The following SMG1 variants were observed in gnomAD, a reference collection of about 807,000 sequenced individuals.
The protein encoded by SMG1 is serine/threonine-protein kinase SMG1.
A neutral mutation model predicts 419.9 loss-of-function variants in SMG1; 22 were observed. The observed-to-expected ratio is 0.05, with a 90% CI of 0.04 to 0.07. The LOEUF (loss-of-function observed/expected upper bound fraction) is 0.07, where lower values mean the gene tolerates loss of function less well. SMG1 is among the 10% of genes least tolerant of loss of function. SMG1 has a pLI of 1.00. For missense variants in SMG1, 3,185 were observed against 4,342.0 expected, an observed-to-expected ratio of 0.73 and a Z score of 7.49; for synonymous variants, 1,538 against 1,553.5, an observed-to-expected ratio of 0.99 and a Z score of 0.23.
chr16:18,873,528 T>C (rs1333260455), intron 13 of SMG1, among the ~76,000 whole-genome samples: 1 of 152,214 alleles, frequency 6.6e-6, no homozygotes. Context: ...ACGAGAACTT[T>C]CTTTACAAAA....
rs1231993591 is a variant in SMG1 at position 18,905,118 on chromosome 16, G to A, written c.93-8162C>T. On this transcript the variant is annotated intron_variant, in intron 1 of 62. Transcript: ENST00000446231. ...CTACTAAAAATACAAAAAATTAGCCGGGTATGGTGGTGGGCGCCTGTAATC... is the reference window on the plus strand; with the variant it reads ...CTACTAAAAATACAAAAAATTAGCCAGGTATGGTGGTGGGCGCCTGTAATC... 5.3e-5 allele frequency among the ~76,000 whole-genome samples: 8 copies of A among 151,522 alleles called. No homozygotes were observed. In the East Asian group the frequency reaches 9.7e-4, roughly 18 times the overall value.
Position 18,809,431 on chromosome 16 carries a change from G to C in SMG1, c.*138C>G. The C allele has an allele frequency of 1.0e-5, 7 of 676,324 alleles. No individual in the cohort carries two copies. The South Asian group carries it at 1.2e-4, about 12-fold the overall frequency. 41.9% of individuals were successfully genotyped at this position (676,324 alleles called of 1,614,324 possible). ...TGCGGGATTCACTTCCTAGTGCACC[G>C]AGATTTCCTAGGTTTCCTCAGAGTA... is the stretch of plus-strand genomic sequence containing the variant. On this transcript the variant is annotated 3_prime_UTR_variant, in exon 63 of 63. Transcript: ENST00000446231.
rs57393561 is a variant in SMG1 at position 18,887,762 on chromosome 16, TAAAAAAAAAAAAAAAAAAAA to T, written c.822+1590_822+1609del. 1.5e-3 allele frequency among the ~76,000 whole-genome samples: 57 copies of T among 38,296 alleles called. 3 individuals are homozygous for T. The East Asian group carries it at 0.022, about 15-fold the overall frequency. The allele number at this position is 38,296 out of a possible 152,430, so 25.1% of individuals were successfully genotyped here. A position where few individuals can be genotyped will look rare whatever the true frequency, so the allele number is the denominator to read the frequency against. On this transcript the variant is annotated intron_variant, in intron 6 of 62. Transcript: ENST00000446231. The stretch of plus-strand genomic sequence containing the variant: ...CCAAAATAAAGCATATCAAAAACAG[TAAAAAAAAAAAAAAAAAAAA>T]AAAAAAAAAAAAAAAAACCCTAATA...
rs2033306212 is a variant in SMG1, at chr16:18,832,963, A to G, written c.8769T>C (p.His2923=). 2 of 1,613,968 alleles carry G rather than the reference A, an allele frequency of 1.2e-6. No individual in the cohort carries two copies. Among genetic ancestry groups the G allele is most frequent in the East Asian group, 4.5e-5 (2 of 44,888 alleles). Residue 2923 remains histidine (H), a synonymous_variant, in exon 51 of 63, where the codon CAT becomes CAC. Transcript: ENST00000446231. ...NAAMGLEEET[H]AHYIDVARLL... ...GCCTGGCAACATCGATGTAATGAGC[A>G]TGTGTTTCTTCTTCCAGTCCCATAG... is the stretch of plus-strand genomic sequence containing the variant.
intron 54 of SMG1, 92 bp from the exon 55 acceptor site, chr16:18,828,260 G>A: frequency 7.6e-7 from 1 of 1,310,804 alleles, no homozygotes; most frequent in Non-Finnish European, 1.0e-6. Flanking sequence ...ACTGGCGGAA[G>A]AGAAAAAAAT....
chr16:18,819,621 G>A lies in SMG1; in HGVS notation c.9775C>T (p.Gln3259Ter). 1 of 1,587,104 alleles carries A rather than the reference G, an allele frequency of 6.3e-7. No homozygotes were observed. The highest frequency in any genetic ancestry group is 8.6e-7 in the Non-Finnish European group (1 of 1,166,112). ...KLAALESSIE[Q>*]RLKWAGGANP... ...GCACCACCTGCCCACTTGAGTCGCT[G>A]TTCAATACTTGATTCAAGTGCAGCT... is the stretch of plus-strand genomic sequence containing the variant. Residue 3259 changes from glutamine to a stop codon, truncating the protein, a stop_gained, in exon 56 of 63, where the codon CAG becomes TAG. Transcript: ENST00000446231. LOFTEE classifies it high-confidence loss of function.
At chr16:18,828,998 CA>C (rs5816012) in intron 54 of SMG1, among the ~76,000 whole-genome samples, 44,178 of 122,238 alleles carry the variant, frequency 0.36, 7,045 homozygotes, top group Non-Finnish European at 0.43. Flanking sequence ...AACTCCATCT[CA>C]AAAAAAAAAA....
Position 18,849,374 on chromosome 16 carries a change from A to G in SMG1, c.5466T>C (p.Ile1822=), listed in dbSNP as rs1442729383. 1 of 1,610,528 alleles carries G rather than the reference A, an allele frequency of 6.2e-7. No homozygotes were observed. Among genetic ancestry groups the G allele is most frequent in the African/African-American group, 1.3e-5 (1 of 74,790 alleles). ...TTAAGCGTGAGAAAAGTTGCGGAATAATTCCTTCAGGACAAGAAGAGAGAA... is the reference window on the plus strand; with the variant it reads ...TTAAGCGTGAGAAAAGTTGCGGAATGATTCCTTCAGGACAAGAAGAGAGAA... ...ETTPTAPWRG[I]IPQLFSRLNH... is the part of the protein sequence containing the mutation. Residue 1822 remains isoleucine (I), a synonymous_variant, in exon 36 of 63, where the codon ATT becomes ATC. Transcript: ENST00000446231.
At chr16:18,867,760 G>C (rs1299329557) in intron 22 of SMG1, among the ~76,000 whole-genome samples, 1 of 135,086 alleles carries the variant, frequency 7.4e-6, no homozygotes, top group Non-Finnish European at 1.5e-5. Flanking sequence ...CCAGGCTGGA[G>C]TGCAGTGGTG....
chr16:18,834,878 G>T lies in SMG1; in HGVS notation c.8330+14C>A. 3 of 1,608,728 alleles carry T rather than the reference G, an allele frequency of 1.9e-6. No homozygotes were observed. The highest frequency in any genetic ancestry group is 2.6e-6 in the Non-Finnish European group (3 of 1,176,046). On this transcript the variant is annotated intron_variant, in intron 49 of 62. Transcript: ENST00000446231. Reference sequence around the variant, plus strand: ...GACACAGGAAATGGTCCAATATGAAGTTGGCTAACTTACCTTGTAAGGGTA... The same window carrying T: ...GACACAGGAAATGGTCCAATATGAATTTGGCTAACTTACCTTGTAAGGGTA...
In SMG1 at chr16:18,842,402, C is replaced by A; in HGVS notation, c.6272G>T (p.Arg2091Leu). The change falls in exon 40 of 63, where the codon CGT becomes CTT. Residue 2091 changes from arginine (R) to leucine (L), a missense_variant. By Grantham distance (102) the Arg-to-Leu change is moderately radical. Transcript: ENST00000446231. ...RAQKRASYILRLEEISPWLAA... is the reference protein window; with the variant it reads ...RAQKRASYILLLEEISPWLAA... ...CAACCATGGACTGATTTCTTCAAGA[C>A]GCAAGATGTAACTTGCACGTTTCTG... 2 of 1,613,972 alleles carry A rather than the reference C, an allele frequency of 1.2e-6. No individual in the cohort carries two copies. Among genetic ancestry groups the A allele is most frequent in the Non-Finnish European group, 1.7e-6 (2 of 1,179,846 alleles).
At chr16:18,854,592 C>T in intron 30 of SMG1, 64 bp downstream of exon 30, 1 of 1,439,540 alleles carries the variant, frequency 6.9e-7, no homozygotes, top group Non-Finnish European at 9.4e-7. Flanking sequence ...CATACATACA[C>T]AGTAACATTC....
intron 33 of SMG1, 141 bp from the exon 34 acceptor site, chr16:18,850,608 C>A: frequency 1.6e-6 from 1 of 614,062 alleles, no homozygotes; most frequent in East Asian, 2.7e-5. Context: ...CACAGTAAGT[C>A]AATGTCAGTA....
chr16:18,874,801 G>C (rs995293292), intron 13 of SMG1, among the ~76,000 whole-genome samples: 18 of 135,004 alleles, frequency 1.3e-4, no homozygotes, highest in African/African-American at 4.6e-4. Flanking sequence ...GGGAGGCAGA[G>C]GTGGCAGTGA....
intron 41 of SMG1, among the ~76,000 whole-genome samples, chr16:18,841,293 C>T (rs1217568108): frequency 2.0e-5 from 3 of 150,310 alleles, no homozygotes; most frequent in Non-Finnish European, 4.4e-5. Context: ...TCCCGCTACT[C>T]GGGAGCCTGT....
chr16:18,884,816 T>C lies in SMG1; in HGVS notation c.1021+274A>G, dbSNP rs189312484. 36 of 361,642 alleles carry C rather than the reference T, an allele frequency of 1.0e-4. 1 individual carries two copies. Among genetic ancestry groups the C allele is most frequent in the African/African-American group, 6.0e-4 (28 of 46,984 alleles). The allele number at this position is 361,642 out of a possible 1,614,324, so 22.4% of individuals were successfully genotyped here. A position where few individuals can be genotyped will look rare whatever the true frequency, so the allele number is the denominator to read the frequency against. Reference sequence around the variant, plus strand: ...ATCTTCCATTGTCCACTTCAGGGTATTGCCACTACAATATATTCTTACCAT... The same window carrying C: ...ATCTTCCATTGTCCACTTCAGGGTACTGCCACTACAATATATTCTTACCAT... On this transcript the variant is annotated intron_variant, in intron 8 of 62. Transcript: ENST00000446231.
chr16:18,892,190 C>T (rs749190677), intron 4 of SMG1, 28 bp downstream of exon 4: 209 of 1,448,040 alleles, frequency 1.4e-4, no homozygotes, highest in Middle Eastern at 7.2e-4. Flanking sequence ...CACAAAAATC[C>T]TCATATTTCC....
intron 1 of SMG1, among the ~76,000 whole-genome samples, chr16:18,910,232 A>G (rs867507139): frequency 7.3e-6 from 1 of 136,516 alleles, no homozygotes; most frequent in Non-Finnish European, 1.6e-5. Context: ...ATGCCCAGCT[A>G]TTTTTTTTTT....
At chr16:18,864,866 C>T (rs1201357601) in intron 23 of SMG1, among the ~76,000 whole-genome samples, 3 of 152,050 alleles carry the variant, frequency 2.0e-5, no homozygotes, top group Non-Finnish European at 4.4e-5. Flanking sequence ...AACAGTGAGT[C>T]GACTATGGTG....
Sources: allele counts gnomAD v4.1 joint callset (sites outside exome capture counted in the v4.1 genomes callset), GRCh38; gene constraint gnomAD v4.1.1; transcripts MANE v1.5; gene names NCBI Gene and HGNC (gene_info 2026-07-23, HGNC 2026-07-21).